CPA3: variants seen among roughly 807,000 people sequenced by gnomAD.
CPA3 encodes carboxypeptidase A3, also known as mast cell carboxypeptidase A.
A neutral mutation model predicts 55.8 loss-of-function variants in CPA3; 52 were observed. The observed-to-expected ratio is 0.93, with a 90% CI of 0.75 to 1.17. The LOEUF (loss-of-function observed/expected upper bound fraction) is 1.17. Ranked by LOEUF, CPA3 falls within the 50% of genes most tolerant of loss-of-function variation. The pLI is 0.00. For synonymous variants in CPA3, 179 were observed against 171.2 expected (o/e 1.05, Z -0.36); for missense variants, 547 against 509.1 (o/e 1.07, Z -0.72).
chr3:148,878,875 C>T, intron 5 of CPA3, 127 bp downstream of exon 5: 1 of 603,880 alleles, frequency 1.7e-6, no homozygotes, highest in Non-Finnish European at 2.8e-6. Context: ...TATTTAAGCT[C>T]TAGACATCCA....
At position 148,883,725 on chromosome 3, in the gene CPA3, C is replaced by T. The variant is rs1309258074; in HGVS notation, c.891C>T (p.Ile297=). The change falls in exon 9 of 11, where the codon ATC becomes ATT. Residue 297 remains isoleucine (I), a synonymous_variant. Coordinates refer to ENST00000296046, the MANE Select transcript of CPA3 (RefSeq NM_001870.4). ...TCATTAGAAGCCACCTGAATGAAAT[C>T]AAGGTTTACATCACCTTCCATTCCT... ...TNFIRSHLNE[I]KVYITFHSYS... 4 of 1,613,728 alleles carry T rather than the reference C, an allele frequency of 2.5e-6. No individual in the cohort carries two copies. Among genetic ancestry groups the T allele is most frequent in the Non-Finnish European group, 2.5e-6 (3 of 1,179,776 alleles).
At chr3:148,879,750 T>A in intron 5 of CPA3, 38 bp from the exon 6 acceptor site, 1 of 1,378,770 alleles carries the variant, frequency 7.3e-7, no homozygotes, top group Non-Finnish European at 1.0e-6. Flanking sequence ...AATGTGTGAG[T>A]TTGTTCAAAA....
intron 10 of CPA3, among the ~76,000 whole-genome samples, chr3:148,892,942 G>A (rs1326308187): frequency 2.0e-5 from 3 of 151,374 alleles, no homozygotes; most frequent in African/African-American, 7.3e-5. Flanking sequence ...GTGACAGAGT[G>A]AGACTCCATC....
Position 148,878,683 on chromosome 3 carries a change from C to G in CPA3, c.409C>G (p.Pro137Ala). ...GACTGAAAAGATGATGGATAAGTAT[C>G]CTGAAATGGTCTCTCGTATTAAAAT... ...AWTEKMMDKY[P>A]EMVSRIKIGS... The change falls in exon 5 of 11, where the codon CCT becomes GCT. Residue 137 changes from proline to alanine, a missense_variant. Coordinates refer to ENST00000296046, the MANE Select transcript of CPA3 (RefSeq NM_001870.4). The G allele has an allele frequency of 1.2e-6, 2 of 1,612,026 alleles. No individual in the cohort carries two copies. The highest frequency in any genetic ancestry group is 1.7e-6 in the Non-Finnish European group (2 of 1,178,726).
At chr3:148,866,293 C>G (rs1467271754) in intron 2 of CPA3, among the ~76,000 whole-genome samples, 2 of 152,214 alleles carry the variant, frequency 1.3e-5, no homozygotes, top group Non-Finnish European at 2.9e-5. Flanking sequence ...AAAGGCCCTG[C>G]CTATTCTAAC....
intron 2 of CPA3, among the ~76,000 whole-genome samples, chr3:148,867,531 C>A (rs1432111981): frequency 6.6e-6 from 1 of 152,254 alleles, no homozygotes; most frequent in Non-Finnish European, 1.5e-5. Flanking sequence ...CTCTAAGCTC[C>A]TGCTGCACAT....
chr3:148,876,197 T>G (rs1714197813), intron 3 of CPA3, among the ~76,000 whole-genome samples: 2 of 109,432 alleles, frequency 1.8e-5, no homozygotes, highest in Non-Finnish European at 4.3e-5. Context: ...GTCAAAAAAC[T>G]GGTAAAATAT....
At chr3:148,884,311 T>C (rs1217184829) in intron 9 of CPA3, among the ~76,000 whole-genome samples, 4 of 152,204 alleles carry the variant, frequency 2.6e-5, no homozygotes, top group Admixed American at 2.0e-4. Flanking sequence ...GAATATGTTA[T>C]CTTTCCAAAA....
intron 2 of CPA3, among the ~76,000 whole-genome samples, chr3:148,867,921 G>A (rs1031347621): frequency 6.6e-6 from 1 of 152,146 alleles, no homozygotes; most frequent in Non-Finnish European, 1.5e-5. Flanking sequence ...CTGAGACAGA[G>A]TTTTGCTCTT....
chr3:148,892,040 T>A (rs1192846887), intron 10 of CPA3, among the ~76,000 whole-genome samples: 2 of 75,852 alleles, frequency 2.6e-5, no homozygotes, highest in Non-Finnish European at 5.5e-5. Flanking sequence ...TTTGACCCTG[T>A]TAATAACTTC....
intron 7 of CPA3, among the ~76,000 whole-genome samples, chr3:148,882,069 T>G (rs555394011): frequency 7.2e-5 from 11 of 152,264 alleles, no homozygotes; most frequent in African/African-American, 2.6e-4. Context: ...TTATCCTGCT[T>G]TTGCTAAATA....
chr3:148,881,167 A>G lies in CPA3; in HGVS notation c.577-355A>G, dbSNP rs150955317. Among the ~76,000 whole-genome samples the G allele has an allele frequency of 1.1e-4, 17 of 152,294 alleles. No individual in the cohort carries two copies. The East Asian group carries it at 3.1e-3, about 28-fold the overall frequency. ...GTGCTTACAGACTCTATCTATATTT[A>G]TGTAAAAGATGTGAGAGAATCAATT... is the stretch of plus-strand genomic sequence containing the variant. On this transcript the variant is annotated intron_variant, in intron 6 of 10. Transcript: ENST00000296046.
chr3:148,896,485 T>C, intron 10 of CPA3, 35 bp from the exon 11 acceptor site: 1 of 1,458,658 alleles, frequency 6.9e-7, no homozygotes. Flanking sequence ...TTAGCATTTG[T>C]CTCTAATTAA....
At chr3:148,878,807 G>A in intron 5 of CPA3, 59 bp downstream of exon 5, 1 of 1,059,750 alleles carries the variant, frequency 9.4e-7, no homozygotes, top group Non-Finnish European at 1.4e-6. Context: ...GAATTTAAAA[G>A]TTACTTTGTA....
intron 5 of CPA3, among the ~76,000 whole-genome samples, chr3:148,879,013 A>G (rs1714288590): frequency 8.7e-6 from 1 of 114,472 alleles, no homozygotes; most frequent in African/African-American, 3.5e-5. Flanking sequence ...ACAAGAGTCC[A>G]TGATGTCTCT....
chr3:148,873,917 A>C (rs1033081787), intron 3 of CPA3, among the ~76,000 whole-genome samples: 1 of 152,206 alleles, frequency 6.6e-6, no homozygotes, highest in African/African-American at 2.4e-5. Flanking sequence ...ACTCAGTGAT[A>C]ATTATTTATC....
At chr3:148,884,948 T>G (rs1162392750) in intron 9 of CPA3, among the ~76,000 whole-genome samples, 1 of 152,190 alleles carries the variant, frequency 6.6e-6, no homozygotes, top group South Asian at 2.1e-4. Context: ...ATTTATTGGT[T>G]ATATACGTTA....
At chr3:148,868,097 G>A (rs1713956763) in intron 2 of CPA3, among the ~76,000 whole-genome samples, 1 of 152,094 alleles carries the variant, frequency 6.6e-6, no homozygotes, top group Non-Finnish European at 1.5e-5. Context: ...GTTTCTCCAT[G>A]TTGGTCAGGC....
chr3:148,893,996 G>A (rs976715785), intron 10 of CPA3, among the ~76,000 whole-genome samples: 5 of 152,128 alleles, frequency 3.3e-5, no homozygotes, highest in South Asian at 4.1e-4. Context: ...TGTGTGCCCC[G>A]CACACCTACT....
Sources: gnomAD v4.1 joint callset for allele counts (sites outside exome capture counted in the v4.1 genomes callset) on GRCh38, gnomAD v4.1.1 for gene constraint, MANE v1.5 for transcripts, NCBI Gene and HGNC (gene_info 2026-07-23, HGNC 2026-07-21) for gene names.